The following ANO1 variants were observed in gnomAD, a reference collection of about 807,000 sequenced individuals.
ANO1 encodes the protein anoctamin-1.
ANO1 carries 59 observed loss-of-function variants against 124.0 expected under a neutral mutation model. The ratio of observed to expected loss-of-function variants is 0.48; its 90% CI spans 0.39 to 0.59. The LOEUF is 0.59. ANO1 is among the 20% of genes least tolerant of loss of function. The pLI is 0.00. For missense variants in ANO1, 1,059 were observed against 1,328.0 expected (o/e 0.80, Z 3.15); for synonymous variants, 529 against 532.0 (o/e 0.99, Z 0.08).
intron 8 of ANO1, among the ~76,000 whole-genome samples, chr11:70,118,145 C>T (rs2046067285): frequency 6.6e-6 from 1 of 152,054 alleles, no homozygotes; most frequent in Admixed American, 6.5e-5. Flanking sequence ...TAGTCCCTTT[C>T]TAGCCGAATT....
chr11:69,967,382 C>A, the ANO1 span, among the ~76,000 whole-genome samples: 1 of 152,258 alleles, frequency 6.6e-6, no homozygotes, highest in African/African-American at 2.4e-5. Flanking sequence ...AGCCTTCAGC[C>A]ATGATGCACC....
At chr11:70,040,529 A>C (rs1458334389) in intron 1 of ANO1, among the ~76,000 whole-genome samples, 2 of 152,212 alleles carry the variant, frequency 1.3e-5, no homozygotes, top group African/African-American at 4.8e-5. Flanking sequence ...CATAAAAATT[A>C]GTCGGGCATG....
intron 12 of ANO1, among the ~76,000 whole-genome samples, chr11:70,151,545 G>A (rs1187568888): frequency 3.3e-5 from 5 of 152,214 alleles, no homozygotes; most frequent in South Asian, 2.1e-4. Context: ...GAAAGTTGGC[G>A]GTGAGGCCCA....
At chr11:70,121,779 T>C (rs1053133857) in intron 8 of ANO1, among the ~76,000 whole-genome samples, 1 of 135,662 alleles carries the variant, frequency 7.4e-6, no homozygotes, top group Admixed American at 7.2e-5. Context: ...TGTCTGTCTC[T>C]CTATCTCTGT....
rs550023650 is a variant in ANO1, at chr11:69,994,099, G to A, written c.58+7933G>A. Among the ~76,000 whole-genome samples the A allele has an allele frequency of 1.1e-3, 43 of 37,564 alleles. No individual in the cohort carries two copies. In the East Asian group the frequency reaches 0.021, roughly 19 times the overall value. The allele number at this position is 37,564 out of a possible 152,430, so 24.6% of individuals were successfully genotyped here. ...TTTGATTTTACACCCCCAATTTGTC[G>A]TTAACCCCCCCCCACAGTCACAGCT... On this transcript the variant is annotated intron_variant, in intron 1 of 27. Transcript: ENST00000531349.
intron 11 of ANO1, among the ~76,000 whole-genome samples, chr11:70,138,759 T>G (rs1248228187): frequency 6.6e-6 from 1 of 152,208 alleles, no homozygotes; most frequent in Non-Finnish European, 1.5e-5. Flanking sequence ...TAACTTTTTT[T>G]TTTAGTTGCA....
intron 1 of ANO1, among the ~76,000 whole-genome samples, chr11:70,028,654 G>T (rs568457487): frequency 2.6e-5 from 4 of 151,940 alleles, no homozygotes; most frequent in African/African-American, 9.7e-5. Flanking sequence ...CTCCTAATAG[G>T]GCCTCCTTCC....
chr11:70,033,345 A>G lies in ANO1; in HGVS notation c.59-45197A>G, dbSNP rs1489460877. Among the ~76,000 whole-genome samples, 3 of 152,220 alleles carry G rather than the reference A, an allele frequency of 2.0e-5. No homozygotes were observed. The South Asian group carries it at 6.2e-4, about 32-fold the overall frequency. On this transcript the variant is annotated intron_variant, in intron 1 of 27. Transcript: ENST00000531349. ...ACAAACCCTCCAAGATCGAGAGTCTACATCAGCAAAACCCGCTTTCATTCA... is the reference window on the plus strand; with the variant it reads ...ACAAACCCTCCAAGATCGAGAGTCTGCATCAGCAAAACCCGCTTTCATTCA...
rs2047518687 is a variant in ANO1, at chr11:70,149,633, A to G, written c.1259-77A>G. 6 of 1,461,572 alleles carry G rather than the reference A, an allele frequency of 4.1e-6. No homozygotes were observed. In the Admixed American group the frequency reaches 1.2e-4, roughly 29 times the overall value. 90.5% of individuals were successfully genotyped at this position (1,461,572 alleles called of 1,614,324 possible). On this transcript the variant is annotated intron_variant, in intron 11 of 25. Transcript: ENST00000355303. Reference sequence around the variant, plus strand: ...CCATTGCACTACAGCCTGGGCAACAAGAGCAAAACTCTGTCTAAAAAAAAA... The same window carrying G: ...CCATTGCACTACAGCCTGGGCAACAGGAGCAAAACTCTGTCTAAAAAAAAA...
intron 1 of ANO1, among the ~76,000 whole-genome samples, chr11:69,992,878 C>G (rs1156645789): frequency 6.6e-6 from 1 of 152,206 alleles, no homozygotes; most frequent in Non-Finnish European, 1.5e-5. Flanking sequence ...AAAAGCCTTC[C>G]CAGCCCTCAG....
chr11:70,161,361 C>A lies in ANO1; in HGVS notation c.1779C>A (p.Ile593=), dbSNP rs201277195. ...GCATAGCCCGATGGCTCACCAAGAT[C>A]GGTGAGTGCCCATGTTCCAGGTACT... ...YGCIARWLTK[I]EVPKTEKSFE... is the part of the protein sequence containing the mutation. The change falls in exon 17 of 26, where the codon ATC becomes ATA. Residue 593 remains isoleucine (I), a splice_region_variant and synonymous_variant. Coordinates refer to ENST00000355303, the MANE Select transcript of ANO1 (RefSeq NM_018043.7). The A allele has an allele frequency of 6.2e-7, 1 of 1,613,526 alleles. No individual in the cohort carries two copies. The highest frequency in any genetic ancestry group is 1.3e-5 in the African/African-American group (1 of 74,940).
At chr11:70,035,464 T>C (rs973713249) in intron 1 of ANO1, among the ~76,000 whole-genome samples, 58 of 152,034 alleles carry the variant, frequency 3.8e-4, no homozygotes, top group African/African-American at 1.4e-3. Context: ...TACCTGACCT[T>C]TGTCCTATTC....
chr11:70,017,544 C>G (rs1555002138), intron 1 of ANO1, among the ~76,000 whole-genome samples: 1 of 121,410 alleles, frequency 8.2e-6, no homozygotes, highest in South Asian at 2.9e-4. Context: ...TCTTTTTTGT[C>G]TTACTCTGTC....
intron 11 of ANO1, among the ~76,000 whole-genome samples, chr11:70,145,817 G>A (rs574099316): frequency 5.9e-5 from 9 of 151,978 alleles, no homozygotes; most frequent in African/African-American, 2.2e-4. Context: ...TGCACCTGTA[G>A]TCCCAGCTAC....
intron 1 of ANO1, among the ~76,000 whole-genome samples, chr11:70,062,913 GTTGTTGTTGTTGT>G (rs782634788): frequency 9.9e-5 from 15 of 151,924 alleles, no homozygotes; most frequent in African/African-American, 2.2e-4. Flanking sequence ...TTGTTTTTTT[GTTGTTGTTGTTGT>G]TTGTTGTTGT....
intron 2 of ANO1, among the ~76,000 whole-genome samples, chr11:70,094,525 A>G (rs2044764806): frequency 6.6e-6 from 1 of 152,186 alleles, no homozygotes; most frequent in Non-Finnish European, 1.5e-5. Context: ...CATGCTCATG[A>G]GACTTGTCAG....
chr11:70,107,491 G>GGGGGGGGGGGGGGGGGGGGGGGGAA (rs2045597757), intron 5 of ANO1, among the ~76,000 whole-genome samples: 1 of 79,338 alleles, frequency 1.3e-5, no homozygotes, highest in Admixed American at 1.0e-4. Context: ...CAGTGGAGGC[G>GGGGGGGGGGGGGGGGGGGGGGGGAA]GCGGGGCGGG....
At chr11:70,017,734 G>A (rs2134988305) in intron 1 of ANO1, among the ~76,000 whole-genome samples, 1 of 151,638 alleles carries the variant, frequency 6.6e-6, no homozygotes, top group African/African-American at 2.4e-5. Context: ...GTCCAGGCTG[G>A]TCTTGAACTC....
At chr11:70,036,887 G>A (rs571043490) in intron 1 of ANO1, among the ~76,000 whole-genome samples, 1 of 152,304 alleles carries the variant, frequency 6.6e-6, no homozygotes, top group Admixed American at 6.5e-5. Context: ...GATTACAGGC[G>A]TGAGCCACCG....
Sources: gnomAD v4.1 joint callset for allele counts (sites outside exome capture counted in the v4.1 genomes callset) on GRCh38, gnomAD v4.1.1 for gene constraint, MANE v1.5 for transcripts, NCBI Gene and HGNC (gene_info 2026-07-23, HGNC 2026-07-21) for gene names.